Variants in E2F2 observed in about 807,000 individuals in gnomAD.
The protein encoded by E2F2 is transcription factor E2F2.
E2F2 carries 22 observed loss-of-function variants against 42.2 expected under a neutral mutation model. The ratio of observed to expected loss-of-function variants is 0.52; its 90% CI spans 0.37 to 0.74. The LOEUF is 0.74. E2F2 is among the 30% of genes least tolerant of loss of function. E2F2 has a pLI of 0.00. For synonymous variants in E2F2, 248 were observed against 251.6 expected (o/e 0.99, Z 0.13); for missense variants, 481 against 557.8 (o/e 0.86, Z 1.39).
rs537148163 is a variant in E2F2 at position 23,519,907 on chromosome 1, G to A, written c.738-777C>T. On this transcript the variant is annotated intron_variant, in intron 4 of 6. Coordinates refer to ENST00000361729, the MANE Select transcript of E2F2 (RefSeq NM_004091.4). ...AGCCTGACCAACATGGTGAAACCCC[G>A]TCTCTACATAAAATACAAAAATTAG... Among the ~76,000 whole-genome samples the A allele has an allele frequency of 3.3e-5, 5 of 152,022 alleles. No individual in the cohort carries two copies. The East Asian group carries it at 7.7e-4, about 23-fold the overall frequency.
chr1:23,511,059 T>C (rs1413625679), intron 6 of E2F2, among the ~76,000 whole-genome samples: 1 of 152,066 alleles, frequency 6.6e-6, no homozygotes, highest in African/African-American at 2.4e-5. Flanking sequence ...TCAGCTTGTC[T>C]CCACTTCCCT....
rs1436281481 is a variant in E2F2 at position 23,509,360 on chromosome 1, G to A, written c.*520C>T. ...CCACCACAGTGGGGAAACCAAGGAT[G>A]TAGCCTGGGCCCCTCCCTTGGAAAC... On this transcript the variant is annotated 3_prime_UTR_variant, in exon 7 of 7. Transcript: ENST00000361729. 2 of 152,384 alleles carry A rather than the reference G, an allele frequency of 1.3e-5. No homozygotes were observed. The highest frequency in any genetic ancestry group is 2.9e-5 in the Non-Finnish European group (2 of 68,166). 9.4% of individuals were successfully genotyped at this position (152,384 alleles called of 1,614,324 possible).
Position 23,530,881 on chromosome 1 carries a change from C to G in E2F2, c.-88G>C. 7.2e-7 allele frequency: 1 copy of G among 1,392,052 alleles called. No homozygotes were observed. Among genetic ancestry groups the G allele is most frequent in the South Asian group, 1.6e-5 (1 of 61,212 alleles). 86.2% of individuals were successfully genotyped at this position (1,392,052 alleles called of 1,614,324 possible). A position where few individuals can be genotyped will look rare whatever the true frequency, so the allele number is the denominator to read the frequency against. On this transcript the variant is annotated 5_prime_UTR_variant, in exon 1 of 7. Transcript: ENST00000361729. The surrounding 1 kb of genome is among the most constrained non-coding windows in gnomAD (Gnocchi z 4.4). ...GTGCTGCCGCCTTTCACACGGCCCG[C>G]GGCATGGCGCGGAGGCCGGGGGAAG...
At chr1:23,505,246 G>A (rs950853441), downstream of E2F2, among the ~76,000 whole-genome samples, 7 of 152,174 alleles carry the variant, frequency 4.6e-5, no homozygotes, top group Admixed American at 1.3e-4. Flanking sequence ...CATGCAAAAG[G>A]GTTAGAACTT....
intron 4 of E2F2, among the ~76,000 whole-genome samples, chr1:23,520,293 C>T (rs1031772875): frequency 9.9e-5 from 14 of 141,996 alleles, no homozygotes; most frequent in African/African-American, 3.5e-4. Flanking sequence ...GTTCAGCAGG[C>T]ACACAACTAC....
intron 1 of E2F2, among the ~76,000 whole-genome samples, chr1:23,529,482 G>T (rs1462307693): frequency 6.6e-6 from 1 of 152,098 alleles, no homozygotes; most frequent in Non-Finnish European, 1.5e-5. Context: ...CTGGGGCAGT[G>T]GGGGGTGGTC....
At chr1:23,523,495 C>T (rs960537109) in intron 2 of E2F2, among the ~76,000 whole-genome samples, 1 of 152,126 alleles carries the variant, frequency 6.6e-6, no homozygotes, top group African/African-American at 2.4e-5. Flanking sequence ...GAGGCAGCAA[C>T]CCCCTCCAAC....
intron 2 of E2F2, 34 bp downstream of exon 2, chr1:23,524,349 A>T: frequency 9.1e-7 from 1 of 1,098,478 alleles, no homozygotes; most frequent in Non-Finnish European, 1.3e-6. Flanking sequence ...CCCCTGCCCC[A>T]CCCCACCCCA....
intron 4 of E2F2, 102 bp downstream of exon 4, chr1:23,520,811 G>T: frequency 4.0e-6 from 5 of 1,250,576 alleles, no homozygotes; most frequent in Non-Finnish European, 5.2e-6. Context: ...GGAAGAAACA[G>T]ATGCCAGACC....
chr1:23,505,519 C>CTT (rs199998581), downstream of E2F2, among the ~76,000 whole-genome samples: 12 of 147,630 alleles, frequency 8.1e-5, no homozygotes, highest in South Asian at 1.7e-3. Context: ...GGCAAGGTCT[C>CTT]TTTTTTTTTT....
At position 23,516,315 on chromosome 1, in the gene E2F2, C is replaced by T. The variant is rs1283905459; in HGVS notation, c.1045+20G>A. 1.3e-6 allele frequency: 2 copies of T among 1,484,424 alleles called. No individual in the cohort carries two copies. Among genetic ancestry groups the T allele is most frequent in the Non-Finnish European group, 8.9e-7 (1 of 1,119,566 alleles). The allele number at this position is 1,484,424 out of a possible 1,614,324, so 92.0% of individuals were successfully genotyped here. ...CCGGTCTCTCCCCCCACCTCCTGTC[C>T]CTCTGGACAAGGGACCTACCTGAGG... On this transcript the variant is annotated intron_variant, in intron 6 of 6. Transcript: ENST00000361729.
At chr1:23,514,453 A>G (rs1244354059) in intron 6 of E2F2, among the ~76,000 whole-genome samples, 3 of 152,274 alleles carry the variant, frequency 2.0e-5, no homozygotes, top group East Asian at 3.9e-4. Flanking sequence ...TCTGCCATCA[A>G]CTTGCTGTGT....
chr1:23,519,150 A>C lies in E2F2; in HGVS notation c.738-20T>G. 6.3e-7 allele frequency: 1 copy of C among 1,596,846 alleles called. No individual in the cohort carries two copies. Among genetic ancestry groups the C allele is most frequent in the Admixed American group, 1.7e-5 (1 of 59,522 alleles). On this transcript the variant is annotated intron_variant, in intron 4 of 6. Coordinates refer to ENST00000361729, the MANE Select transcript of E2F2 (RefSeq NM_004091.4). ...GCCAGCGTAGGGCAGGAGAGTCAAGAAAAGTGACTGTCTGGTCAAAATTCA... is the reference window on the plus strand; with the variant it reads ...GCCAGCGTAGGGCAGGAGAGTCAAGCAAAGTGACTGTCTGGTCAAAATTCA...
At chr1:23,516,810 G>GGGC (rs1643032331) in intron 5 of E2F2, among the ~76,000 whole-genome samples, 1 of 132,670 alleles carries the variant, frequency 7.5e-6, no homozygotes, top group African/African-American at 2.6e-5. Flanking sequence ...GGGGGGGGGG[G>GGGC]GCAGCACCCT....
In E2F2 at chr1:23,510,165, A is replaced by G; in HGVS notation, c.1046-17T>C. The G allele has an allele frequency of 6.3e-7, 1 of 1,575,786 alleles. No homozygotes were observed. The highest frequency in any genetic ancestry group is 8.6e-7 in the Non-Finnish European group (1 of 1,160,774). ...GTGCTGGCACTGGAGACAAACAGAC[A>G]AAGGTTACGCCTGGCCCTAGCATCC... is the stretch of plus-strand genomic sequence containing the variant. On this transcript the variant is annotated splice_polypyrimidine_tract_variant and intron_variant, in intron 6 of 6. Transcript: ENST00000361729.
chr1:23,505,436 A>C (rs936173762), downstream of E2F2, among the ~76,000 whole-genome samples: 1 of 152,022 alleles, frequency 6.6e-6, no homozygotes, highest in Admixed American at 6.6e-5. Flanking sequence ...GCTGCATTAG[A>C]CTCACCTGGG....
At chr1:23,516,806 G>A (rs528703094) in intron 5 of E2F2, among the ~76,000 whole-genome samples, 3 of 138,504 alleles carry the variant, frequency 2.2e-5, no homozygotes, top group African/African-American at 5.2e-5. Flanking sequence ...GGCGGGGGGG[G>A]GGGGGCAGCA....
rs756427666 is a variant in E2F2 at position 23,516,522 on chromosome 1, G to T, written c.858C>A (p.Asn286Lys). 1.2e-6 allele frequency: 2 copies of T among 1,604,134 alleles called. No homozygotes were observed. The highest frequency in any genetic ancestry group is 4.5e-5 in the East Asian group (2 of 44,008). ...GGGTGCTCTTGAGATATATCTGCAG[G>T]TTGTCCTGGAGGAGGAAGAGAAGCC... The part of the protein sequence containing the change: ...RLEVPDRTED[N>K]LQIYLKSTQG... The change falls in exon 6 of 7, where the codon AAC (asparagine) becomes AAA (lysine). Residue 286 changes from asparagine to lysine, a missense_variant. Transcript: ENST00000361729.
At chr1:23,510,798 A>G (rs1489027714) in intron 6 of E2F2, among the ~76,000 whole-genome samples, 1 of 152,178 alleles carries the variant, frequency 6.6e-6, no homozygotes, top group Non-Finnish European at 1.5e-5. Flanking sequence ...AGAGAGGGGA[A>G]TGGGGAATAG....
Sources: allele counts gnomAD v4.1 joint callset (sites outside exome capture counted in the v4.1 genomes callset), GRCh38; gene constraint gnomAD v4.1.1; non-coding constraint Gnocchi (gnomAD v3.1); transcripts MANE v1.5; gene names NCBI Gene and HGNC (gene_info 2026-07-23, HGNC 2026-07-21).